Variants in RPTOR observed in about 807,000 individuals in gnomAD.
The protein encoded by RPTOR is regulatory associated protein of MTOR complex 1.
RPTOR carries 21 observed loss-of-function variants against 169.9 expected under a neutral mutation model. The observed-to-expected ratio is 0.12, with a 90% CI of 0.09 to 0.18. The LOEUF is 0.18. Among genes scored for constraint, RPTOR ranks in the 10% least tolerant of loss-of-function variants. The probability of loss-of-function intolerance (pLI) is 1.00; values close to 1 mark genes in which losing one functional copy is unlikely to be tolerated. For missense variants in RPTOR, 1,133 were observed against 1,855.9 expected (o/e 0.61, Z 7.16); for synonymous variants, 732 against 753.2 (o/e 0.97, Z 0.46).
At chr17:80,954,848 C>T (rs1274725901) in intron 28 of RPTOR, among the ~76,000 whole-genome samples, 1 of 151,898 alleles carries the variant, frequency 6.6e-6, no homozygotes, top group African/African-American at 2.4e-5. Flanking sequence ...ACCTGGGAGG[C>T]GGAGGTTGCA....
intron 1 of RPTOR, among the ~76,000 whole-genome samples, chr17:80,556,026 G>GT (rs780152315): frequency 2.5e-4 from 37 of 146,896 alleles, no homozygotes; most frequent in East Asian, 1.8e-3. Context: ...AAAGTTTTTT[G>GT]TTTTTTTTTT....
chr17:80,559,353 A>G (rs2143246132), intron 1 of RPTOR, among the ~76,000 whole-genome samples: 1 of 152,056 alleles, frequency 6.6e-6, no homozygotes, highest in East Asian at 1.9e-4. Context: ...TCGCCTCCTG[A>G]CTGATGCTGC....
chr17:80,900,282 C>G (rs1214189312), intron 20 of RPTOR, among the ~76,000 whole-genome samples: 1 of 152,096 alleles, frequency 6.6e-6, no homozygotes, highest in Admixed American at 6.5e-5. Flanking sequence ...TCCCGGGTCT[C>G]CCTGCTTCCA....
chr17:80,785,287 A>T (rs2066980413), intron 6 of RPTOR, among the ~76,000 whole-genome samples: 1 of 152,234 alleles, frequency 6.6e-6, no homozygotes, highest in Admixed American at 6.5e-5. Flanking sequence ...ATGAGCAGGG[A>T]TATTAGGGAC....
rs1029132925 is a variant in RPTOR at position 80,845,259 on chromosome 17, G to A, written c.1213-1214G>A. 2.0e-5 allele frequency among the ~76,000 whole-genome samples: 3 copies of A among 152,216 alleles called. No individual in the cohort carries two copies. The highest frequency in any genetic ancestry group is 6.5e-5 in the Admixed American group (1 of 15,298). Reference sequence around the variant, plus strand: ...GCTAACTGGGAGCTCGGGCCCACCCGGTGTGGCCCACGGAGAACTCGTGTC... The same window carrying A: ...GCTAACTGGGAGCTCGGGCCCACCCAGTGTGGCCCACGGAGAACTCGTGTC... On this transcript the variant is annotated intron_variant, in intron 10 of 33. Coordinates refer to ENST00000306801, the MANE Select transcript of RPTOR (RefSeq NM_020761.3). This position sits in a 1 kb window ranked among gnomAD's most constrained non-coding sequence, Gnocchi z 5.4.
chr17:80,835,515 C>T (rs2067553787), intron 9 of RPTOR, among the ~76,000 whole-genome samples: 1 of 152,194 alleles, frequency 6.6e-6, no homozygotes, highest in Non-Finnish European at 1.5e-5. Context: ...GGATTGCTGT[C>T]CTTCCTCCAT....
chr17:80,587,622 T>C (rs1193010084), intron 1 of RPTOR, among the ~76,000 whole-genome samples: 1 of 152,208 alleles, frequency 6.6e-6, no homozygotes, highest in Non-Finnish European at 1.5e-5. Context: ...CCTGTGGGTA[T>C]GTATTATATC....
In RPTOR at chr17:80,960,200, C is replaced by T. The variant is rs568879085; in HGVS notation, c.3600C>T (p.Ser1200=). The change falls in exon 30 of 34, where the codon AGC becomes AGT. Residue 1200 remains serine, a synonymous_variant. Coordinates refer to ENST00000306801, the MANE Select transcript of RPTOR (RefSeq NM_020761.3). The surrounding 1 kb of genome is among the most constrained non-coding windows in gnomAD (Gnocchi z 4.8). The part of the protein sequence containing the change: ...IRVYDRRMAL[S]ECRVMTYREH... ...TCTACGACAGAAGGATGGCACTCAG[C>T]GAATGGTACCTTGACCCTGTCCTCT... 89 of 1,613,472 alleles carry T rather than the reference C, an allele frequency of 5.5e-5. No individual in the cohort carries two copies. The South Asian group carries it at 8.7e-4, about 16-fold the overall frequency.
chr17:80,577,671 TAGC>T (rs2064976790), intron 1 of RPTOR, among the ~76,000 whole-genome samples: 1 of 152,122 alleles, frequency 6.6e-6, no homozygotes, highest in Non-Finnish European at 1.5e-5. Context: ...GATAAAGAGG[TAGC>T]AGCAGGGTGT....
rs2066163833 is a variant in RPTOR, at chr17:80,708,999, G to C, written c.507+1000G>C. 1.0e-6 allele frequency: 1 copy of C among 985,554 alleles called. No homozygotes were observed. The highest frequency in any genetic ancestry group is 4.7e-5 in the South Asian group (1 of 21,270). 61.1% of individuals were successfully genotyped at this position (985,554 alleles called of 1,614,324 possible). A position where few individuals can be genotyped will look rare whatever the true frequency, so the allele number is the denominator to read the frequency against. On this transcript the variant is annotated intron_variant, in intron 4 of 33. Coordinates refer to ENST00000306801, the MANE Select transcript of RPTOR (RefSeq NM_020761.3). The surrounding 1 kb of genome is among the most constrained non-coding windows in gnomAD (Gnocchi z 4.2). ...CTCTCGGTTCCCGCCTACCGTCCCG[G>C]GTTCGCAGCTAGCATTCGGCACAGG...
intron 3 of RPTOR, among the ~76,000 whole-genome samples, chr17:80,678,148 C>T (rs145827886): frequency 1.7e-3 from 260 of 152,338 alleles, no homozygotes; most frequent in Middle Eastern, 0.01. Context: ...CTCCCCACTA[C>T]CACAAGGCTC....
At chr17:80,795,087 C>T (rs111497691) in intron 7 of RPTOR, among the ~76,000 whole-genome samples, 1 of 152,142 alleles carries the variant, frequency 6.6e-6, no homozygotes, top group African/African-American at 2.4e-5. Flanking sequence ...AAAAACACCA[C>T]GAGAGTGAGC....
At chr17:80,753,614 C>G (rs182226065) in intron 5 of RPTOR, among the ~76,000 whole-genome samples, 1,489 of 109,448 alleles carry the variant, frequency 0.014, 15 homozygotes, top group Middle Eastern at 0.045. Context: ...GCCTGGGCGA[C>G]AGAGCGAAAC....
chr17:80,777,730 A>G (rs1320390317), intron 6 of RPTOR, among the ~76,000 whole-genome samples: 1 of 152,216 alleles, frequency 6.6e-6, no homozygotes, highest in Non-Finnish European at 1.5e-5. Flanking sequence ...TTATAGCTTT[A>G]GCTGTTACGT....
intron 2 of RPTOR, among the ~76,000 whole-genome samples, chr17:80,629,954 G>A (rs1164110284): frequency 1.3e-5 from 2 of 152,220 alleles, no homozygotes; most frequent in Non-Finnish European, 2.9e-5. Context: ...ATGTCACAAT[G>A]AGCTTTTGTT....
intron 1 of RPTOR, among the ~76,000 whole-genome samples, chr17:80,558,594 C>T (rs188935940): frequency 1.3e-5 from 2 of 152,192 alleles, no homozygotes; most frequent in Non-Finnish European, 2.9e-5. Context: ...TTACATCTCG[C>T]CTTGTTTACT....
intron 20 of RPTOR, among the ~76,000 whole-genome samples, chr17:80,905,137 G>A (rs9898178): frequency 0.88 from 132,960 of 151,944 alleles, 58,389 homozygotes; most frequent in African/African-American, 0.95. Context: ...TCCTTATAAT[G>A]CCAAACCCAG....
At chr17:80,555,881 G>A (rs1431451356) in intron 1 of RPTOR, among the ~76,000 whole-genome samples, 2 of 152,120 alleles carry the variant, frequency 1.3e-5, no homozygotes, top group African/African-American at 4.8e-5. Context: ...GGTGATTGGA[G>A]AGGGGCGAGA....
chr17:80,559,142 T>C lies in RPTOR; in HGVS notation c.162+13351T>C, dbSNP rs181660609. Among the ~76,000 whole-genome samples the C allele has an allele frequency of 2.1e-3, 314 of 152,268 alleles. 2 individuals carry two copies. Among genetic ancestry groups the C allele is most frequent in the African/African-American group, 7.3e-3 (303 of 41,540 alleles). On this transcript the variant is annotated intron_variant, in intron 1 of 33. Transcript: ENST00000306801. ...TAACCGCTCTTCTGCTTTCTGTCTC[T>C]GAATGTTTTGGCCTTGCATGTAGTA...
Sources: gnomAD v4.1 joint callset for allele counts (sites outside exome capture counted in the v4.1 genomes callset) on GRCh38, gnomAD v4.1.1 for gene constraint, Gnocchi (gnomAD v3.1) non-coding constraint, MANE v1.5 for transcripts, NCBI Gene and HGNC (gene_info 2026-07-23, HGNC 2026-07-21) for gene names.